The following GRIA4 variants were observed in gnomAD, a reference collection of about 807,000 sequenced individuals.
GRIA4 encodes glutamate ionotropic receptor AMPA type subunit 4, also known as glutamate receptor 4.
In GRIA4, 34 loss-of-function variants were observed where a neutral mutation model predicts 104.0. The observed-to-expected ratio is 0.33, with a 90% CI of 0.25 to 0.44. The LOEUF (loss-of-function observed/expected upper bound fraction) is 0.44. GRIA4 is among the 20% of genes least tolerant of loss of function. The probability of loss-of-function intolerance (pLI) is 1.00; values close to 1 mark genes in which losing one functional copy is unlikely to be tolerated. For missense variants in GRIA4, 750 were observed against 1,096.5 expected (o/e 0.68, Z 4.46); for synonymous variants, 386 against 381.9 (o/e 1.01, Z -0.13).
chr11:105,972,046 G>C lies in GRIA4; in HGVS notation c.2409+18G>C. On this transcript the variant is annotated intron_variant, in intron 15 of 16. Transcript: ENST00000282499. ...GAAGCAAGGTCAGTCGCTGCAGTTC[G>C]GGGCCTCCTCTTGTGTTCACAAAGC... The C allele has an allele frequency of 6.8e-7, 1 of 1,464,154 alleles. No individual in the cohort carries two copies. 90.7% of individuals were successfully genotyped at this position (1,464,154 alleles called of 1,614,324 possible).
At chr11:105,917,495 C>T (rs1229698836) in intron 10 of GRIA4, among the ~76,000 whole-genome samples, 1 of 152,144 alleles carries the variant, frequency 6.6e-6, no homozygotes, top group Non-Finnish European at 1.5e-5. Context: ...TTCTATTATA[C>T]AGTTTTAAGA....
At chr11:105,657,098 C>T (rs986305524) in intron 3 of GRIA4, among the ~76,000 whole-genome samples, 1 of 151,750 alleles carries the variant, frequency 6.6e-6, no homozygotes, top group African/African-American at 2.4e-5. Flanking sequence ...CTAATAAAGG[C>T]CCTAGAAAAT....
chr11:105,928,275 T>C (rs1947775475), intron 13 of GRIA4, among the ~76,000 whole-genome samples: 1 of 151,968 alleles, frequency 6.6e-6, no homozygotes, highest in Non-Finnish European at 1.5e-5. Flanking sequence ...CAATGAACAA[T>C]GTACTTGTCA....
chr11:105,863,420 T>C (rs141840539), intron 5 of GRIA4, among the ~76,000 whole-genome samples: 12 of 151,338 alleles, frequency 7.9e-5, no homozygotes, highest in Admixed American at 2.6e-4. Context: ...TGAAGAAATA[T>C]ATATGTTATT....
intron 5 of GRIA4, among the ~76,000 whole-genome samples, chr11:105,868,662 G>A (rs904207024): frequency 6.6e-6 from 1 of 152,088 alleles, no homozygotes; most frequent in Non-Finnish European, 1.5e-5. Context: ...AGAGTTTGTT[G>A]TACAGGCTGA....
chr11:105,611,096 C>G lies in GRIA4; in HGVS notation c.88+11C>G, dbSNP rs370608255. 3.1e-6 allele frequency: 5 copies of G among 1,593,358 alleles called. No individual in the cohort carries two copies. In the African/African-American group the frequency reaches 5.4e-5, roughly 17 times the overall value. ...GCAGCGTGCAAATAGGTAAGGTGTGCTCCGATGGGGTGTGCATGTGGCTGG... is the reference window on the plus strand; with the variant it reads ...GCAGCGTGCAAATAGGTAAGGTGTGGTCCGATGGGGTGTGCATGTGGCTGG... On this transcript the variant is annotated intron_variant, in intron 2 of 16. Transcript: ENST00000282499.
intron 3 of GRIA4, among the ~76,000 whole-genome samples, chr11:105,676,741 A>G (rs1952550629): frequency 6.6e-6 from 1 of 151,814 alleles, no homozygotes; most frequent in Non-Finnish European, 1.5e-5. Flanking sequence ...AATAGAATGA[A>G]TTCAATTATG....
chr11:105,646,201 A>G (rs1312555651), intron 3 of GRIA4, among the ~76,000 whole-genome samples: 2 of 152,254 alleles, frequency 1.3e-5, no homozygotes, highest in African/African-American at 4.8e-5. Flanking sequence ...TAAAAGTAGT[A>G]CTAGAAAATG....
At chr11:105,852,062 G>A (rs564296539) in intron 4 of GRIA4, among the ~76,000 whole-genome samples, 17 of 152,320 alleles carry the variant, frequency 1.1e-4, no homozygotes, top group African/African-American at 4.1e-4. Context: ...TGTCTTAAAT[G>A]TAATATTTAG....
intron 16 of GRIA4, among the ~76,000 whole-genome samples, 159 bp from the exon 17 acceptor site, chr11:105,979,416 T>C (rs1252604634): frequency 6.6e-6 from 1 of 152,240 alleles, no homozygotes. Context: ...TAAGCTTTCC[T>C]TTCCCTGGAT....
chr11:105,872,414 T>C (rs972363816), intron 5 of GRIA4, among the ~76,000 whole-genome samples: 1 of 152,116 alleles, frequency 6.6e-6, no homozygotes, highest in Non-Finnish European at 1.5e-5. Flanking sequence ...TCCTCTACAC[T>C]GGAGAATCAC....
Position 105,927,021 on chromosome 11 carries a change from T to C in GRIA4, c.2046+82T>C. ...TTTTCCAACAATTATACCATGGGCTTTAGCTATTATAAGGTTTACAAACAC... is the reference window on the plus strand; with the variant it reads ...TTTTCCAACAATTATACCATGGGCTCTAGCTATTATAAGGTTTACAAACAC... On this transcript the variant is annotated intron_variant, in intron 13 of 16. Transcript: ENST00000282499. 6 of 850,982 alleles carry C rather than the reference T, an allele frequency of 7.1e-6. No individual in the cohort carries two copies. The South Asian group carries it at 9.0e-5, about 13-fold the overall frequency. The allele number at this position is 850,982 out of a possible 1,614,324, so 52.7% of individuals were successfully genotyped here. A position where few individuals can be genotyped will look rare whatever the true frequency, so the allele number is the denominator to read the frequency against.
At chr11:105,888,127 A>T (rs903991352) in intron 6 of GRIA4, among the ~76,000 whole-genome samples, 9 of 152,214 alleles carry the variant, frequency 5.9e-5, no homozygotes, top group South Asian at 2.1e-4. Flanking sequence ...AGGCTCATTG[A>T]ATATGTCTTG....
At chr11:105,710,347 T>C (rs2135546925) in intron 3 of GRIA4, among the ~76,000 whole-genome samples, 1 of 152,196 alleles carries the variant, frequency 6.6e-6, no homozygotes, top group South Asian at 2.1e-4. Context: ...AGTAATGGCC[T>C]CAGGTATGTC....
rs1466952409 is a variant in GRIA4, at chr11:105,979,882, A to ACAT, written c.*146_*148dup. The stretch of plus-strand genomic sequence containing the variant: ...AAGTCCGTCCTAACGCGCTGGCCGG[A>ACAT]CATCAGCAGCAGCAACGTGTGCATG... On this transcript the variant is annotated 3_prime_UTR_variant, in exon 17 of 17. Transcript: ENST00000282499. 11 of 569,324 alleles carry ACAT rather than the reference A, an allele frequency of 1.9e-5. No homozygotes were observed. In the East Asian group the frequency reaches 2.5e-4, roughly 13 times the overall value. The allele number at this position is 569,324 out of a possible 1,614,324, so 35.3% of individuals were successfully genotyped here. A position where few individuals can be genotyped will look rare whatever the true frequency, so the allele number is the denominator to read the frequency against.
intron 14 of GRIA4, among the ~76,000 whole-genome samples, chr11:105,946,006 CT>C (rs1250033228): frequency 1.1e-4 from 16 of 152,012 alleles, no homozygotes; most frequent in Admixed American, 1.0e-3. Context: ...TCAGTCTGGA[CT>C]TTTGGGTTGA....
At chr11:105,648,950 G>T (rs1951610365) in intron 3 of GRIA4, among the ~76,000 whole-genome samples, 1 of 152,172 alleles carries the variant, frequency 6.6e-6, no homozygotes, top group Non-Finnish European at 1.5e-5. Context: ...TAGCTTATGA[G>T]AAGTAGGACG....
At chr11:105,788,999 C>G (rs1369959068) in intron 4 of GRIA4, among the ~76,000 whole-genome samples, 2 of 152,062 alleles carry the variant, frequency 1.3e-5, no homozygotes, top group African/African-American at 2.4e-5. Flanking sequence ...GGACTTAGGA[C>G]TAAATTGTCT....
At chr11:105,921,767 A>C (rs1249388773) in intron 11 of GRIA4, among the ~76,000 whole-genome samples, 1 of 152,174 alleles carries the variant, frequency 6.6e-6, no homozygotes, top group Non-Finnish European at 1.5e-5. Context: ...AGGCATTTCA[A>C]GTAAGTGAAA....
Sources: allele counts gnomAD v4.1 joint callset (sites outside exome capture counted in the v4.1 genomes callset), GRCh38; gene constraint gnomAD v4.1.1; transcripts MANE v1.5; gene names NCBI Gene and HGNC (gene_info 2026-07-23, HGNC 2026-07-21).